BSN: variants seen among roughly 807,000 people sequenced by gnomAD.
BSN encodes the protein bassoon presynaptic cytomatrix protein.
A neutral mutation model predicts 264.8 loss-of-function variants in BSN; 57 were observed. The ratio of observed to expected loss-of-function variants is 0.22; its 90% confidence interval spans 0.17 to 0.27. The LOEUF is 0.27. Among genes scored for constraint, BSN ranks in the 10% least tolerant of loss-of-function variants. The probability of loss-of-function intolerance (pLI) is 1.00; values close to 1 mark genes in which losing one functional copy is unlikely to be tolerated. For synonymous variants in BSN, 2,059 were observed against 2,137.3 expected (o/e 0.96, Z 1.01); for missense variants, 4,615 against 5,232.5 (o/e 0.88, Z 3.64).
At position 49,660,205 on chromosome 3, in the gene BSN, T is replaced by A. The variant is rs2108093131; in HGVS notation, c.8641-281T>A. Among the ~76,000 whole-genome samples the A allele has an allele frequency of 6.6e-6, 1 of 152,234 alleles. No individual in the cohort carries two copies. Among genetic ancestry groups the A allele is most frequent in the East Asian group, 1.9e-4 (1 of 5,188 alleles). ...TTCTCAAAGCCATGTGCTGGGCCAGTACAGGACATTGGCATGAAGGGAATC... is the reference window on the plus strand; with the variant it reads ...TTCTCAAAGCCATGTGCTGGGCCAGAACAGGACATTGGCATGAAGGGAATC... On this transcript the variant is annotated intron_variant, in intron 5 of 11. Transcript: ENST00000296452. This position sits in a 1 kb window ranked among gnomAD's most constrained non-coding sequence, Gnocchi z 7.1.
chr3:49,592,030 C>T (rs957930941), intron 1 of BSN, among the ~76,000 whole-genome samples: 1 of 152,128 alleles, frequency 6.6e-6, no homozygotes, highest in Non-Finnish European at 1.5e-5. Flanking sequence ...TAAAAACTGA[C>T]AAACCAATGG....
Position 49,655,379 on chromosome 3 carries a change from C to T in BSN, c.5823C>T (p.Phe1941=). The part of the protein sequence containing the change: ...AAPPGQSSSP[F]YGPRDPEPPE... ...CACCTGGCCAAAGCAGCAGCCCCTT[C>T]TATGGTCCCCGGGACCCTGAGCCTC... Residue 1941 remains phenylalanine (F), a synonymous_variant, in exon 5 of 12, where the codon TTC becomes TTT. Transcript: ENST00000296452. The T allele has an allele frequency of 6.3e-7, 1 of 1,584,732 alleles. No individual in the cohort carries two copies. Among genetic ancestry groups the T allele is most frequent in the Non-Finnish European group, 8.6e-7 (1 of 1,165,084 alleles).
chr3:49,606,135 C>CATATATTATATATGTATATATTATAT (rs2052138659), intron 1 of BSN, among the ~76,000 whole-genome samples: 1 of 21,252 alleles, frequency 4.7e-5, no homozygotes, highest in African/African-American at 1.7e-4. Flanking sequence ...ATTATATATA[C>CATATATTATATATGTATATATTATAT]ATATATTATA....
chr3:49,636,714 C>G (rs9824092), intron 2 of BSN, among the ~76,000 whole-genome samples: 43,588 of 152,212 alleles, frequency 0.29, 6,756 homozygotes, highest in Middle Eastern at 0.32. Flanking sequence ...CCTCCCCTGG[C>G]TGGTCCAGCT....
intron 2 of BSN, among the ~76,000 whole-genome samples, chr3:49,630,695 T>G (rs1190888261): frequency 6.6e-6 from 1 of 152,186 alleles, no homozygotes; most frequent in Non-Finnish European, 1.5e-5. Context: ...TAAGAAATTT[T>G]ACTCCTAAAA....
chr3:49,581,678 G>C (rs1025695511), intron 1 of BSN, among the ~76,000 whole-genome samples: 2 of 152,058 alleles, frequency 1.3e-5, no homozygotes, highest in Admixed American at 6.6e-5. Context: ...ACAAAAATTA[G>C]CTGGGCATGG....
In BSN at chr3:49,606,135, C is replaced by CGTATATATTATATATAAAT. The variant is rs1559603416; in HGVS notation, c.225-18840_225-18839insGTATATATTATATATAAAT. ...AATATATACGTATATATTATATATA[C>CGTATATATTATATATAAAT]ATATATTATATATGTATATATTATA... On this transcript the variant is annotated intron_variant, in intron 1 of 11. Coordinates refer to ENST00000296452, the MANE Select transcript of BSN (RefSeq NM_003458.4). 2.8e-4 allele frequency among the ~76,000 whole-genome samples: 6 copies of CGTATATATTATATATAAAT among 21,258 alleles called. 1 individual carries two copies. Among genetic ancestry groups the CGTATATATTATATATAAAT allele is most frequent in the African/African-American group, 1.0e-3 (6 of 5,906 alleles). The allele number at this position is 21,258 out of a possible 152,430, so 13.9% of individuals were successfully genotyped here.
intron 1 of BSN, among the ~76,000 whole-genome samples, chr3:49,584,929 G>A (rs532229564): frequency 5.6e-4 from 86 of 152,242 alleles, no homozygotes; most frequent in African/African-American, 2.0e-3. Flanking sequence ...TTAACATAAT[G>A]ATCTCTAGTT....
In BSN at chr3:49,664,954, C is replaced by T. The variant is rs1029512704; in HGVS notation, c.*14+101C>T. 6.8e-6 allele frequency: 6 copies of T among 887,104 alleles called. No individual in the cohort carries two copies. In the African/African-American group the frequency reaches 8.3e-5, roughly 12 times the overall value. The allele number at this position is 887,104 out of a possible 1,614,324, so 55.0% of individuals were successfully genotyped here. A position where few individuals can be genotyped will look rare whatever the true frequency, so the allele number is the denominator to read the frequency against. On this transcript the variant is annotated intron_variant, in intron 10 of 11. Coordinates refer to ENST00000296452, the MANE Select transcript of BSN (RefSeq NM_003458.4). ...TCCGAAGGGGTCCTCTGGGAGGAGT[C>T]CAGTCTTCGGCTGGTTCAGTACCCA...
intron 1 of BSN, among the ~76,000 whole-genome samples, chr3:49,583,716 A>G (rs983173486): frequency 6.6e-6 from 1 of 152,174 alleles, no homozygotes; most frequent in Admixed American, 6.5e-5. Context: ...TTTTAAAATT[A>G]CTTATTCAGT....
At chr3:49,589,784 A>G (rs1441290731) in intron 1 of BSN, among the ~76,000 whole-genome samples, 1 of 149,318 alleles carries the variant, frequency 6.7e-6, no homozygotes, top group Non-Finnish European at 1.5e-5. Flanking sequence ...CTGGGATTAC[A>G]GGCATGAGCC....
chr3:49,649,977 C>T (rs1295623414), intron 3 of BSN, among the ~76,000 whole-genome samples: 1 of 152,234 alleles, frequency 6.6e-6, no homozygotes, highest in Non-Finnish European at 1.5e-5. Context: ...TGGCCTTAGA[C>T]AAGGTGACTT....
At position 49,657,608 on chromosome 3, in the gene BSN, C is replaced by G. The variant is rs557287227; in HGVS notation, c.8052C>G (p.Val2684=). ...CGGAGCCTGACCAGCTGCCCAGGGT[C>G]TCTCCAGCCATCCACATCACAGCTG... ...VQTEPDQLPR[V]SPAIHITAAT... Residue 2684 remains valine, a synonymous_variant, in exon 5 of 12, where the codon GTC becomes GTG. Transcript: ENST00000296452. The G allele has an allele frequency of 6.2e-7, 1 of 1,608,938 alleles. No homozygotes were observed. The highest frequency in any genetic ancestry group is 1.3e-5 in the African/African-American group (1 of 74,874).
At position 49,652,016 on chromosome 3, in the gene BSN, G is replaced by C. The variant is rs150154360; in HGVS notation, c.2460G>C (p.Glu820Asp). 1.9e-6 allele frequency: 3 copies of C among 1,612,592 alleles called. No individual in the cohort carries two copies. The highest frequency in any genetic ancestry group is 1.7e-4 in the Middle Eastern group (1 of 6,058). ...ACGACTATGTGGAGGACAGCAGTGA[G>C]GGTGGCCTGTCCCCTCTTCCACCCC... ...LRHDYVEDSS[E>D]GGLSPLPPQP... is the part of the protein sequence containing the mutation. The change falls in exon 5 of 12, where the codon GAG becomes GAC. Residue 820 changes from glutamate to aspartate, a missense_variant. This residue lies in a region of BSN where 1,197 missense variants were observed against 1,348.0 expected (regional missense o/e 0.89). Coordinates refer to ENST00000296452, the MANE Select transcript of BSN (RefSeq NM_003458.4).
chr3:49,643,833 T>A (rs1575445775), intron 3 of BSN, among the ~76,000 whole-genome samples: 1 of 152,182 alleles, frequency 6.6e-6, no homozygotes, highest in East Asian at 1.9e-4. Flanking sequence ...AGACCTGGGG[T>A]TGTGGCCATT....
intron 1 of BSN, among the ~76,000 whole-genome samples, chr3:49,569,614 C>T (rs907865804): frequency 2.0e-5 from 3 of 152,246 alleles, no homozygotes; most frequent in Admixed American, 6.5e-5. Context: ...GCTCAGGGGC[C>T]TACTGTCGTC....
intron 1 of BSN, among the ~76,000 whole-genome samples, chr3:49,570,721 C>T (rs2051789261): frequency 6.6e-6 from 1 of 152,206 alleles, no homozygotes; most frequent in African/African-American, 2.4e-5. Context: ...TTCAAATTAG[C>T]CAGAGAGCCT....
intron 1 of BSN, among the ~76,000 whole-genome samples, chr3:49,582,457 A>G (rs1180908658): frequency 1.3e-5 from 2 of 152,216 alleles, no homozygotes; most frequent in Non-Finnish European, 2.9e-5. Context: ...CTACAGGCCC[A>G]GCTGAAATGA....
chr3:49,652,266 G>A lies in BSN; in HGVS notation c.2710G>A (p.Gly904Ser), dbSNP rs766539897. The A allele has an allele frequency of 3.7e-6, 6 of 1,601,926 alleles. No individual in the cohort carries two copies. In the Admixed American group the frequency reaches 8.5e-5, roughly 23 times the overall value. The change falls in exon 5 of 12, where the codon GGC (glycine) becomes AGC (serine). Residue 904 changes from glycine to serine, a missense_variant. By Grantham distance (56) the Gly-to-Ser change is moderately conservative. This residue lies in a region of BSN where 1,197 missense variants were observed against 1,348.0 expected (regional missense o/e 0.89). Transcript: ENST00000296452. ...KRRLPHNATT[G>S]YEELLPEGGS... Reference sequence around the variant, plus strand: ...GCGCCTGCCCCACAATGCCACCACGGGCTATGAGGAGCTGCTCCCTGAGGG... The same window carrying A: ...GCGCCTGCCCCACAATGCCACCACGAGCTATGAGGAGCTGCTCCCTGAGGG...
Sources: gnomAD v4.1 joint callset for allele counts (sites outside exome capture counted in the v4.1 genomes callset) on GRCh38, gnomAD v4.1.1 for gene constraint, gnomAD v4.1.1 regional missense constraint, Gnocchi (gnomAD v3.1) non-coding constraint, MANE v1.5 for transcripts, NCBI Gene and HGNC (gene_info 2026-07-23, HGNC 2026-07-21) for gene names.